MMEL1: variants seen among roughly 807,000 people sequenced by gnomAD.
MMEL1 encodes membrane metalloendopeptidase like 1.
Under a neutral mutation model 117.1 loss-of-function variants are expected in MMEL1, and 98 were observed. The observed-to-expected ratio is 0.84, with a 90% CI of 0.71 to 0.99. The LOEUF (loss-of-function observed/expected upper bound fraction) is 0.99. Ranked by LOEUF, MMEL1 falls within the 50% of genes least tolerant of loss-of-function variation. The probability of loss-of-function intolerance (pLI) is 0.00; values close to 1 mark genes in which losing one functional copy is unlikely to be tolerated. For missense variants in MMEL1, 1,014 were observed against 1,049.1 expected (o/e 0.97, Z 0.46); for synonymous variants, 390 against 415.1 (o/e 0.94, Z 0.74).
At chr1:2,605,830 G>A (rs1422143004) in intron 8 of MMEL1, among the ~76,000 whole-genome samples, 3 of 151,840 alleles carry the variant, frequency 2.0e-5, no homozygotes, top group Admixed American at 2.0e-4. Context: ...GGAGAGGGTG[G>A]CGGGGGTGGG....
chr1:2,616,242 T>C (rs187532618), intron 2 of MMEL1, among the ~76,000 whole-genome samples: 2 of 149,508 alleles, frequency 1.3e-5, no homozygotes, highest in Admixed American at 1.3e-4. Context: ...TTTGGGAGGC[T>C]GAGGTGGGAA....
intron 21 of MMEL1, 135 bp from the exon 22 acceptor site, chr1:2,592,162 ACACC>A: frequency 1.4e-6 from 1 of 695,014 alleles, no homozygotes; most frequent in Non-Finnish European, 2.4e-6. Flanking sequence ...GGCCCTTCAC[ACACC>A]CCACGGATGA....
At chr1:2,596,390 C>T (rs1644839502) in intron 14 of MMEL1, among the ~76,000 whole-genome samples, 171 bp downstream of exon 14, 1 of 152,138 alleles carries the variant, frequency 6.6e-6, no homozygotes, top group South Asian at 2.1e-4. Flanking sequence ...GGCCCAGTGG[C>T]CGGCTGGGGT....
chr1:2,620,484 C>A (rs1235284062), intron 2 of MMEL1, among the ~76,000 whole-genome samples: 1 of 152,172 alleles, frequency 6.6e-6, no homozygotes, highest in African/African-American at 2.4e-5. Context: ...AGGTCTTACC[C>A]TACAAGATTC....
At chr1:2,621,274 G>A (rs1458733711) in intron 2 of MMEL1, among the ~76,000 whole-genome samples, 1 of 152,210 alleles carries the variant, frequency 6.6e-6, no homozygotes, top group Non-Finnish European at 1.5e-5. Context: ...GACAGAGTGA[G>A]ACCCTGTCTC....
chr1:2,604,115 T>A, intron 10 of MMEL1, 32 bp downstream of exon 10: 2 of 1,545,564 alleles, frequency 1.3e-6, no homozygotes, highest in South Asian at 2.3e-5. Flanking sequence ...GCCCACTCGC[T>A]GCCCGCTCCC....
chr1:2,627,114 C>A (rs1016013850), intron 2 of MMEL1, among the ~76,000 whole-genome samples: 2 of 152,192 alleles, frequency 1.3e-5, no homozygotes. Flanking sequence ...AGGCAAAAAG[C>A]CTTGTTAAGT....
At chr1:2,630,569 CTG>C (rs1054492234) in intron 1 of MMEL1, among the ~76,000 whole-genome samples, 33 of 132,906 alleles carry the variant, frequency 2.5e-4, no homozygotes, top group South Asian at 4.8e-4. Flanking sequence ...ATGTGTGTGA[CTG>C]TGAGTGAGTG....
chr1:2,630,963 TCGTGTGTGCA>T (rs1170409820), intron 1 of MMEL1, among the ~76,000 whole-genome samples: 1 of 150,566 alleles, frequency 6.6e-6, no homozygotes, highest in African/African-American at 2.5e-5. Flanking sequence ...GCGTGTACGC[TCGTGTGTGCA>T]CGTGTGTGAC....
chr1:2,619,297 G>A (rs1645253616), intron 2 of MMEL1, among the ~76,000 whole-genome samples: 1 of 152,176 alleles, frequency 6.6e-6, no homozygotes, highest in African/African-American at 2.4e-5. Flanking sequence ...AGTGAGTGTT[G>A]GGCTGGGTTT....
chr1:2,597,447 C>T (rs1347441025), intron 13 of MMEL1, among the ~76,000 whole-genome samples: 1 of 152,064 alleles, frequency 6.6e-6, no homozygotes, highest in East Asian at 1.9e-4. Context: ...TTGAGAGTCC[C>T]GACTCCCCTC....
At position 2,629,352 on chromosome 1, in the gene MMEL1, C is replaced by T. The variant is rs1638430307; in HGVS notation, c.133G>A (p.Val45Ile). Residue 45 changes from valine to isoleucine, a missense_variant, in exon 2 of 24, where the codon GTC becomes ATC. Physicochemically the swap from Val to Ile is conservative, Grantham distance 29. Transcript: ENST00000378412. ...TCACCTCTGCGGTCGGCGTAGAGGACACCCAAGGCCACCAGGGCAGCGGTC... is the reference window on the plus strand; with the variant it reads ...TCACCTCTGCGGTCGGCGTAGAGGATACCCAAGGCCACCAGGGCAGCGGTC... ...LVTAALVALG[V>I]LYADRRGKQL... The T allele has an allele frequency of 1.3e-6, 2 of 1,542,178 alleles. No homozygotes were observed. Among genetic ancestry groups the T allele is most frequent in the South Asian group, 1.2e-5 (1 of 83,948 alleles).
intron 11 of MMEL1, among the ~76,000 whole-genome samples, chr1:2,602,131 G>A (rs1008297024): frequency 1.3e-5 from 2 of 152,258 alleles, no homozygotes; most frequent in African/African-American, 4.8e-5. Flanking sequence ...AGAGTCAGAG[G>A]CCACTCAGCA....
chr1:2,615,338 C>A (rs1057506234), intron 2 of MMEL1, among the ~76,000 whole-genome samples: 1 of 152,180 alleles, frequency 6.6e-6, no homozygotes, highest in Non-Finnish European at 1.5e-5. Flanking sequence ...CTGTGACCTG[C>A]GGCCTTCCTC....
chr1:2,625,855 T>C (rs1054183901), intron 2 of MMEL1, among the ~76,000 whole-genome samples: 2 of 152,136 alleles, frequency 1.3e-5, no homozygotes, highest in Non-Finnish European at 1.5e-5. Flanking sequence ...ATGCCCATGG[T>C]CTTCACTCCT....
At position 2,611,229 on chromosome 1, in the gene MMEL1, G is replaced by A. The variant is rs529295639; in HGVS notation, c.292+52C>T. 8.6e-6 allele frequency: 13 copies of A among 1,518,732 alleles called. No individual in the cohort carries two copies. The East Asian group carries it at 2.0e-4, about 24-fold the overall frequency. The allele number at this position is 1,518,732 out of a possible 1,614,324, so 94.1% of individuals were successfully genotyped here. A position where few individuals can be genotyped will look rare whatever the true frequency, so the allele number is the denominator to read the frequency against. ...GGCGGGGCCTACGTCAGTGTCAGCC[G>A]GGAGCCCCCAGCCCTTGGGCAGGCT... On this transcript the variant is annotated intron_variant, in intron 4 of 23. Coordinates refer to ENST00000378412, the MANE Select transcript of MMEL1 (RefSeq NM_033467.4).
At chr1:2,616,342 CAA>C (rs60641053) in intron 2 of MMEL1, among the ~76,000 whole-genome samples, 47 of 89,214 alleles carry the variant, frequency 5.3e-4, no homozygotes, top group Admixed American at 6.0e-4. Flanking sequence ...GACCCTAGCT[CAA>C]AAAAAAAAAA....
intron 2 of MMEL1, among the ~76,000 whole-genome samples, chr1:2,627,381 A>T (rs1257017628): frequency 6.6e-6 from 1 of 152,190 alleles, no homozygotes; most frequent in African/African-American, 2.4e-5. Context: ...ATCTTTCCAA[A>T]TCTTTCATTC....
chr1:2,591,825 A>AG, intron 22 of MMEL1, 107 bp downstream of exon 22: 4 of 1,224,976 alleles, frequency 3.3e-6, no homozygotes, highest in East Asian at 2.3e-5. Context: ...TTTTCCCCCA[A>AG]GGGGCCTTCC....
Sources: gnomAD v4.1 joint callset for allele counts (sites outside exome capture counted in the v4.1 genomes callset) on GRCh38, gnomAD v4.1.1 for gene constraint, MANE v1.5 for transcripts, NCBI Gene and HGNC (gene_info 2026-07-23, HGNC 2026-07-21) for gene names.